Variants in GRIA1 observed in about 807,000 individuals in gnomAD.
The protein encoded by GRIA1 is glutamate receptor 1.
GRIA1 carries 31 observed loss-of-function variants against 99.2 expected under a neutral mutation model. The observed-to-expected ratio is 0.31, with a 90% confidence interval of 0.23 to 0.42. The LOEUF (loss-of-function observed/expected upper bound fraction) is 0.42, where lower values mean the gene tolerates loss of function less well. Ranked by LOEUF, GRIA1 falls within the 10% of genes least tolerant of loss-of-function variation. The probability of loss-of-function intolerance (pLI) is 1.00; values close to 1 mark genes in which losing one functional copy is unlikely to be tolerated. For missense variants in GRIA1, 782 were observed against 1,157.5 expected (o/e 0.68, Z 4.71); for synonymous variants, 438 against 432.4 (o/e 1.01, Z -0.16).
chr5:153,618,217 T>C (rs957950563), intron 2 of GRIA1, among the ~76,000 whole-genome samples: 1 of 152,216 alleles, frequency 6.6e-6, no homozygotes, highest in Non-Finnish European at 1.5e-5. Context: ...TAGTTAAGAA[T>C]GTACAACCTG....
In GRIA1 at chr5:153,811,184, A is replaced by G. The variant is rs1766795136; in HGVS notation, c.2680A>G (p.Ser894Gly). The change falls in exon 16 of 16, where the codon AGC becomes GGC. Residue 894 changes from serine (S) to glycine (G), a missense_variant. Coordinates refer to ENST00000285900, the MANE Select transcript of GRIA1 (RefSeq NM_000827.4). ...PKSMQSIPCM[S>G]HSSGMPLGAT... ...GTCCATGCAATCGATTCCTTGCATG[A>G]GCCACAGTTCAGGGATGCCCTTGGG... is the stretch of plus-strand genomic sequence containing the variant. 1 of 1,614,110 alleles carries G rather than the reference A, an allele frequency of 6.2e-7. No individual in the cohort carries two copies. Among genetic ancestry groups the G allele is most frequent in the Non-Finnish European group, 8.5e-7 (1 of 1,179,984 alleles).
intron 2 of GRIA1, among the ~76,000 whole-genome samples, chr5:153,563,209 C>T (rs1194870059): frequency 6.6e-6 from 1 of 151,414 alleles, no homozygotes. Flanking sequence ...GCTTTTGTTG[C>T]TGTTTTCTTC....
intron 11 of GRIA1, among the ~76,000 whole-genome samples, chr5:153,761,307 A>T (rs185077664): frequency 3.0e-4 from 46 of 152,310 alleles, no homozygotes; most frequent in Non-Finnish European, 4.6e-4. Context: ...AAAATATATA[A>T]GGACTCAATA....
intron 12 of GRIA1, 53 bp from the exon 13 acceptor site, chr5:153,770,115 C>T: frequency 6.3e-7 from 1 of 1,591,690 alleles, no homozygotes; most frequent in Non-Finnish European, 8.6e-7. Flanking sequence ...AATGTGTGCA[C>T]CGACCCCAAT....
chr5:153,701,342 C>T (rs13178098), intron 10 of GRIA1, among the ~76,000 whole-genome samples: 55,421 of 151,714 alleles, frequency 0.37, 10,654 homozygotes, highest in South Asian at 0.45. Context: ...TGACCAGGTG[C>T]GGTGGCTCAT....
chr5:153,577,376 G>A (rs1199713403), intron 2 of GRIA1, among the ~76,000 whole-genome samples: 1 of 152,206 alleles, frequency 6.6e-6, no homozygotes, highest in African/African-American at 2.4e-5. Context: ...AATGGAGATA[G>A]GGACCAAGAT....
chr5:153,773,638 T>G (rs1284863293), intron 13 of GRIA1, among the ~76,000 whole-genome samples: 1 of 152,122 alleles, frequency 6.6e-6, no homozygotes, highest in Non-Finnish European at 1.5e-5. Context: ...TTTGCATACA[T>G]CTCTGTAAAC....
chr5:153,760,299 G>A (rs1252749631), intron 11 of GRIA1, among the ~76,000 whole-genome samples: 1 of 151,710 alleles, frequency 6.6e-6, no homozygotes, highest in African/African-American at 2.4e-5. Flanking sequence ...GAAAACCCTA[G>A]AAACCCTCCA....
chr5:153,759,684 T>C (rs1763052093), intron 11 of GRIA1, among the ~76,000 whole-genome samples: 1 of 151,936 alleles, frequency 6.6e-6, no homozygotes, highest in Non-Finnish European at 1.5e-5. Context: ...AGGGAGGAAG[T>C]TGTTCCAAAC....
intron 2 of GRIA1, among the ~76,000 whole-genome samples, chr5:153,516,088 C>T (rs1039213100): frequency 5.3e-5 from 8 of 151,942 alleles, no homozygotes; most frequent in African/African-American, 1.7e-4. Flanking sequence ...GACGTGGTGG[C>T]GGGCGCCTGT....
intron 2 of GRIA1, among the ~76,000 whole-genome samples, chr5:153,639,686 C>G (rs1300671466): frequency 6.6e-6 from 1 of 152,194 alleles, no homozygotes; most frequent in Non-Finnish European, 1.5e-5. Flanking sequence ...TCTCTAGAGC[C>G]TAAGCTCCAA....
intron 2 of GRIA1, among the ~76,000 whole-genome samples, chr5:153,496,462 C>A (rs1040839768): frequency 6.6e-6 from 1 of 152,152 alleles, no homozygotes; most frequent in African/African-American, 2.4e-5. Context: ...TAGTGGGAAA[C>A]ATTGTTATGG....
At chr5:153,524,454 A>G (rs1354468551) in intron 2 of GRIA1, among the ~76,000 whole-genome samples, 1 of 131,122 alleles carries the variant, frequency 7.6e-6, no homozygotes, top group African/African-American at 3.1e-5. Context: ...ACTGGATACA[A>G]ATCTTTCCTG....
intron 15 of GRIA1, among the ~76,000 whole-genome samples, chr5:153,802,989 AC>A (rs1224907526): frequency 5.3e-5 from 8 of 152,276 alleles, no homozygotes; most frequent in African/African-American, 1.9e-4. Flanking sequence ...TAGTGAGATG[AC>A]CCCAAACCAC....
intron 12 of GRIA1, among the ~76,000 whole-genome samples, chr5:153,766,591 G>A (rs1438140091): frequency 6.6e-6 from 1 of 152,140 alleles, no homozygotes; most frequent in Non-Finnish European, 1.5e-5. Flanking sequence ...TGTCAGGGGT[G>A]GGTACCAAAT....
chr5:153,491,269 G>C (rs915950530), intron 1 of GRIA1: 19 of 1,324,594 alleles, frequency 1.4e-5, no homozygotes, highest in East Asian at 3.0e-5. Context: ...GGCTGGAAAG[G>C]GTGGTGGGTG....
At chr5:153,523,650 C>T (rs1011294893) in intron 2 of GRIA1, among the ~76,000 whole-genome samples, 12 of 152,182 alleles carry the variant, frequency 7.9e-5, no homozygotes. Context: ...TGTTCTCGAG[C>T]TCCTTGCCCC....
Position 153,599,118 on chromosome 5 carries a change from G to T in GRIA1, c.221-47810G>T, listed in dbSNP as rs778826. ...AGGATGGTCTCGATCTCCTGACCTC[G>T]TGATCCACCCACCTCAGCCTGCCAA... On this transcript the variant is annotated intron_variant, in intron 2 of 15. Transcript: ENST00000285900. Among the ~76,000 whole-genome samples, 725 of 151,922 alleles carry T rather than the reference G, an allele frequency of 4.8e-3. 8 individuals carry two copies. The highest frequency in any genetic ancestry group is 0.016 in the African/African-American group (672 of 41,452).
chr5:153,522,177 T>A (rs1480625493), intron 2 of GRIA1, among the ~76,000 whole-genome samples: 1 of 152,240 alleles, frequency 6.6e-6, no homozygotes, highest in Non-Finnish European at 1.5e-5. Context: ...AGCTGTGTAA[T>A]CTTTGGCAAG....
Sources: gnomAD v4.1 joint callset for allele counts (sites outside exome capture counted in the v4.1 genomes callset) on GRCh38, gnomAD v4.1.1 for gene constraint, MANE v1.5 for transcripts, NCBI Gene and HGNC (gene_info 2026-07-23, HGNC 2026-07-21) for gene names.